Variants in ATP2A2 observed in about 807,000 individuals in gnomAD.
The protein encoded by ATP2A2 is ATPase sarcoplasmic/endoplasmic reticulum Ca2+ transporting 2, also known as sarcoplasmic/endoplasmic reticulum calcium ATPase 2.
In ATP2A2, 14 loss-of-function variants were observed where a neutral mutation model predicts 109.3. That is an observed-to-expected ratio of 0.13 (90% confidence interval 0.08 to 0.20). The LOEUF is 0.20. ATP2A2 is among the 10% of genes least tolerant of loss of function. The pLI is 1.00. For synonymous variants in ATP2A2, 506 were observed against 490.9 expected, an observed-to-expected ratio of 1.03 and a Z score of -0.41; for missense variants, 657 against 1,321.6, an observed-to-expected ratio of 0.50 and a Z score of 7.80.
chr12:110,335,928 T>C (rs1566235527), intron 11 of ATP2A2, among the ~76,000 whole-genome samples: 1 of 152,222 alleles, frequency 6.6e-6, no homozygotes, highest in Non-Finnish European at 1.5e-5. Context: ...GACAGGGTGA[T>C]TGCTTGTTGG....
chr12:110,346,158 C>T (rs1339890487), intron 19 of ATP2A2, 40 bp downstream of exon 19: 1 of 1,614,218 alleles, frequency 6.2e-7, no homozygotes, highest in Non-Finnish European at 8.5e-7. Context: ...CCACCTCCTT[C>T]CAGGGGAGGC....
At chr12:110,298,444 G>A (rs1874198764) in intron 5 of ATP2A2, among the ~76,000 whole-genome samples, 2 of 152,210 alleles carry the variant, frequency 1.3e-5, no homozygotes, top group South Asian at 4.1e-4. Flanking sequence ...TTTTGGCCAG[G>A]CGTGGTGGCT....
At position 110,343,373 on chromosome 12, in the gene ATP2A2, C is replaced by T. The variant is rs757507261; in HGVS notation, c.2460C>T (p.Pro820=). The part of the protein sequence containing the change: ...PPDLDIMNKP[P]RNPKEPLISG... ...ATCTGGACATCATGAATAAACCTCCCCGGAACCCAAAGGAACCATTGATCA... is the reference window on the plus strand; with the variant it reads ...ATCTGGACATCATGAATAAACCTCCTCGGAACCCAAAGGAACCATTGATCA... Residue 820 remains proline, a synonymous_variant, in exon 16 of 20, where the codon CCC becomes CCT. Coordinates refer to ENST00000539276, the MANE Select transcript of ATP2A2 (RefSeq NM_170665.4). 1 of 1,614,194 alleles carries T rather than the reference C, an allele frequency of 6.2e-7. No homozygotes were observed. The highest frequency in any genetic ancestry group is 2.2e-5 in the East Asian group (1 of 44,890).
At chr12:110,336,760 TAGC>T (rs1490651244) in intron 11 of ATP2A2, among the ~76,000 whole-genome samples, 1 of 152,228 alleles carries the variant, frequency 6.6e-6, no homozygotes, top group Non-Finnish European at 1.5e-5. Context: ...AATTCACAAA[TAGC>T]AGTCTCAAAG....
Position 110,348,589 on chromosome 12 carries a change from G to T in ATP2A2, c.*2119G>T. ...ACTCTTAAAAGCACAGTCCGTGGTT[G>T]GGTGTGGTGGCTCATGCCTGTAAGT... On this transcript the variant is annotated 3_prime_UTR_variant, in exon 20 of 20. Coordinates refer to ENST00000539276, the MANE Select transcript of ATP2A2 (RefSeq NM_170665.4). The T allele has an allele frequency of 1.0e-6, 1 of 985,556 alleles. No homozygotes were observed. The highest frequency in any genetic ancestry group is 1.2e-6 in the Non-Finnish European group (1 of 830,040). The allele number at this position is 985,556 out of a possible 1,614,324, so 61.1% of individuals were successfully genotyped here. A position where few individuals can be genotyped will look rare whatever the true frequency, so the allele number is the denominator to read the frequency against.
chr12:110,317,471 C>T (rs369853264), intron 5 of ATP2A2, among the ~76,000 whole-genome samples: 2 of 152,018 alleles, frequency 1.3e-5, no homozygotes, highest in African/African-American at 2.4e-5. Flanking sequence ...AGTGCAGTGG[C>T]GCAATCTCAG....
In ATP2A2 at chr12:110,349,455, T is replaced by C; in HGVS notation, c.*2985T>C. On this transcript the variant is annotated 3_prime_UTR_variant, in exon 20 of 20. Coordinates refer to ENST00000539276, the MANE Select transcript of ATP2A2 (RefSeq NM_170665.4). ...TGAGCTTTGCCCAGAAGACCAACAA[T>C]CATACATACCCTAACTGGGACACCA... 1 of 985,438 alleles carries C rather than the reference T, an allele frequency of 1.0e-6. No individual in the cohort carries two copies. Among genetic ancestry groups the C allele is most frequent in the South Asian group, 4.7e-5 (1 of 21,290 alleles). The allele number at this position is 985,438 out of a possible 1,614,324, so 61.0% of individuals were successfully genotyped here.
intron 8 of ATP2A2, 67 bp downstream of exon 8, chr12:110,328,084 G>A: frequency 6.7e-7 from 1 of 1,488,006 alleles, no homozygotes; most frequent in Non-Finnish European, 9.2e-7. Context: ...ATGCCTTCAT[G>A]CCATCAAAAC....
chr12:110,327,407 T>A lies in ATP2A2; in HGVS notation c.631-146T>A. 2.5e-6 allele frequency: 2 copies of A among 797,878 alleles called. No homozygotes were observed. The highest frequency in any genetic ancestry group is 4.5e-6 in the Non-Finnish European group (2 of 446,582). The allele number at this position is 797,878 out of a possible 1,614,324, so 49.4% of individuals were successfully genotyped here. A position where few individuals can be genotyped will look rare whatever the true frequency, so the allele number is the denominator to read the frequency against. On this transcript the variant is annotated intron_variant, in intron 7 of 19. Coordinates refer to ENST00000539276, the MANE Select transcript of ATP2A2 (RefSeq NM_170665.4). The surrounding 1 kb of genome is among the most constrained non-coding windows in gnomAD (Gnocchi z 4.4). ...CATGGAGCATTGCTTGTTGTCACAGTTGTATGGCTGGTTGCTTGAACAGTA... is the reference window on the plus strand; with the variant it reads ...CATGGAGCATTGCTTGTTGTCACAGATGTATGGCTGGTTGCTTGAACAGTA...
At position 110,334,056 on chromosome 12, in the gene ATP2A2, T is replaced by G; in HGVS notation, c.1332T>G (p.Ala444=). Residue 444 remains alanine (A), a synonymous_variant, in exon 11 of 20, where the codon GCT becomes GCG. Coordinates refer to ENST00000539276, the MANE Select transcript of ATP2A2 (RefSeq NM_170665.4). The stretch of plus-strand genomic sequence containing the variant: ...AAGTTGGAGAAGCTACAGAGACTGC[T>G]CTCACTTGCCTAGTAGAGAAGATGA... ...YEKVGEATET[A]LTCLVEKMNV... The G allele has an allele frequency of 1.9e-6, 3 of 1,614,154 alleles. No homozygotes were observed. The highest frequency in any genetic ancestry group is 2.5e-6 in the Non-Finnish European group (3 of 1,180,030).
chr12:110,323,848 G>A (rs1877495549), intron 6 of ATP2A2, among the ~76,000 whole-genome samples: 1 of 152,188 alleles, frequency 6.6e-6, no homozygotes, highest in South Asian at 2.1e-4. Flanking sequence ...TTGAATTGTT[G>A]TCTGTTTTGT....
intron 5 of ATP2A2, among the ~76,000 whole-genome samples, chr12:110,315,088 G>A (rs1876523454): frequency 6.6e-6 from 1 of 152,056 alleles, no homozygotes; most frequent in South Asian, 2.1e-4. Flanking sequence ...GGATGATCTC[G>A]TTCTCCTGAC....
chr12:110,345,787 G>A (rs930587141), intron 18 of ATP2A2: 2 of 646,700 alleles, frequency 3.1e-6, no homozygotes, highest in African/African-American at 3.6e-5. Flanking sequence ...CTAAGATGGG[G>A]TCTGCTATGC....
rs543246490 is a variant in ATP2A2 at position 110,308,230 on chromosome 12, A to G, written c.463+11493A>G. Reference sequence around the variant, plus strand: ...CTGGATGCCCTTTATTTCTTGCCTAATTGCCCTGGTTAGAATCTCCAATAC... The same window carrying G: ...CTGGATGCCCTTTATTTCTTGCCTAGTTGCCCTGGTTAGAATCTCCAATAC... On this transcript the variant is annotated intron_variant, in intron 5 of 19. Transcript: ENST00000539276. Among the ~76,000 whole-genome samples, 52 of 152,288 alleles carry G rather than the reference A, an allele frequency of 3.4e-4. No homozygotes were observed. In the South Asian group the frequency reaches 0.011, roughly 31 times the overall value.
At position 110,342,353 on chromosome 12, in the gene ATP2A2, C is replaced by T. The variant is rs771854292; in HGVS notation, c.2223C>T (p.Thr741=). 1.2e-6 allele frequency: 2 copies of T among 1,614,228 alleles called. No homozygotes were observed. Among genetic ancestry groups the T allele is most frequent in the Non-Finnish European group, 1.7e-6 (2 of 1,180,038 alleles). ...TCCTGGCGGATGACAACTTCTCCAC[C>T]ATTGTGGCTGCCGTTGAGGAGGGGC... ...EMVLADDNFS[T]IVAAVEEGRA... The change falls in exon 15 of 20, where the codon ACC becomes ACT. Residue 741 remains threonine, a synonymous_variant. Transcript: ENST00000539276. The surrounding 1 kb of genome is among the most constrained non-coding windows in gnomAD (Gnocchi z 4.6).
rs1435114087 is a variant in ATP2A2 at position 110,334,368 on chromosome 12, G to A, written c.1419+225G>A. On this transcript the variant is annotated intron_variant, in intron 11 of 19. Transcript: ENST00000539276. ...CTAATTTCCTTGAGCGACCCTCTGG[G>A]CCCACAGGGGCTGCCTTCTCCCATA... The A allele has an allele frequency of 5.1e-6, 3 of 582,694 alleles. No individual in the cohort carries two copies. The East Asian group carries it at 9.8e-5, about 19-fold the overall frequency. The allele number at this position is 582,694 out of a possible 1,614,324, so 36.1% of individuals were successfully genotyped here.
In ATP2A2 at chr12:110,350,338, G is replaced by T; in HGVS notation, c.*3868G>T. On this transcript the variant is annotated 3_prime_UTR_variant, in exon 20 of 20. Coordinates refer to ENST00000539276, the MANE Select transcript of ATP2A2 (RefSeq NM_170665.4). ...CTAAACCATTTTGCAGAAATGTAAG[G>T]GTGTTCGGTTGCGTGCATGTGCGTT... 6.2e-7 allele frequency: 1 copy of T among 1,614,114 alleles called. No homozygotes were observed. Among genetic ancestry groups the T allele is most frequent in the South Asian group, 1.1e-5 (1 of 91,072 alleles).
chr12:110,310,341 G>A (rs1180860560), intron 5 of ATP2A2, among the ~76,000 whole-genome samples: 3 of 151,848 alleles, frequency 2.0e-5, no homozygotes, highest in Non-Finnish European at 4.4e-5. Context: ...ACCCAGCCTA[G>A]TCTCAAACTC....
In ATP2A2 at chr12:110,342,920, G is replaced by GT. The variant is rs1038224657; in HGVS notation, c.2319-311dup. ...CTCCCTGCCATTTTTTTGTGTTTTAGTAGAAATGAGGTTTCACCATGTTGC... is the reference window on the plus strand; with the variant it reads ...CTCCCTGCCATTTTTTTGTGTTTTAGTTAGAAATGAGGTTTCACCATGTTGC... On this transcript the variant is annotated intron_variant, in intron 15 of 19. Transcript: ENST00000539276. The surrounding 1 kb of genome is among the most constrained non-coding windows in gnomAD (Gnocchi z 4.6). Among the ~76,000 whole-genome samples, 19 of 151,924 alleles carry GT rather than the reference G, an allele frequency of 1.3e-4. No individual in the cohort carries two copies. Among genetic ancestry groups the GT allele is most frequent in the African/African-American group, 4.6e-4 (19 of 41,358 alleles).
Sources: allele counts gnomAD v4.1 joint callset (sites outside exome capture counted in the v4.1 genomes callset), GRCh38; gene constraint gnomAD v4.1.1; non-coding constraint Gnocchi (gnomAD v3.1); transcripts MANE v1.5; gene names NCBI Gene and HGNC (gene_info 2026-07-23, HGNC 2026-07-21).